The following FAM120A variants were observed in gnomAD, a reference collection of about 807,000 sequenced individuals.
FAM120A encodes the protein family with sequence similarity 120 member A, also known as constitutive coactivator of PPAR-gamma-like protein 1.
In FAM120A, 15 loss-of-function variants were observed where a neutral mutation model predicts 109.7. That is an observed-to-expected ratio of 0.14 (90% CI 0.09 to 0.21). FAM120A has a LOEUF of 0.21. FAM120A is among the 10% of genes least tolerant of loss of function. The pLI is 1.00. For synonymous variants in FAM120A, 493 were observed against 572.8 expected (o/e 0.86, Z 1.99); for missense variants, 899 against 1,439.3 (o/e 0.62, Z 6.07).
chr9:93,467,249 C>A lies in FAM120A; in HGVS notation c.475-3892C>A, dbSNP rs79986401. ...TTTCTTTGCCAGATCTGCTGTCACC[C>A]CCCCCCCCCTTTTCCCCCATTGAAT... is the stretch of plus-strand genomic sequence containing the variant. On this transcript the variant is annotated intron_variant, in intron 1 of 17. Coordinates refer to ENST00000277165, the MANE Select transcript of FAM120A (RefSeq NM_014612.5). Among the ~76,000 whole-genome samples the A allele has an allele frequency of 3.5e-4, 11 of 31,836 alleles. 1 individual carries two copies. The highest frequency in any genetic ancestry group is 4.1e-4 in the African/African-American group (8 of 19,478). The allele number at this position is 31,836 out of a possible 152,430, so 20.9% of individuals were successfully genotyped here. A position where few individuals can be genotyped will look rare whatever the true frequency, so the allele number is the denominator to read the frequency against.
chr9:93,522,310 TC>T (rs1860879637), intron 7 of FAM120A, among the ~76,000 whole-genome samples: 1 of 152,196 alleles, frequency 6.6e-6, no homozygotes, highest in South Asian at 2.1e-4. Context: ...TGATCCTACT[TC>T]TAGAGAGGTA....
At chr9:93,474,014 T>C (rs1858433069) in intron 2 of FAM120A, among the ~76,000 whole-genome samples, 1 of 152,236 alleles carries the variant, frequency 6.6e-6, no homozygotes, top group East Asian at 1.9e-4. Flanking sequence ...AAACATTGAA[T>C]ATGGTATTTG....
At chr9:93,560,109 A>G (rs928360311) in intron 15 of FAM120A, among the ~76,000 whole-genome samples, 32 of 152,270 alleles carry the variant, frequency 2.1e-4, no homozygotes, top group African/African-American at 7.2e-4. Flanking sequence ...CCTGGGCAAT[A>G]TAGTGAGACC....
chr9:93,458,550 C>T (rs1178954351), intron 1 of FAM120A, among the ~76,000 whole-genome samples: 3 of 152,116 alleles, frequency 2.0e-5, no homozygotes, highest in Non-Finnish European at 4.4e-5. Context: ...GTACCCCCAA[C>T]ATTTGAATTC....
intron 7 of FAM120A, among the ~76,000 whole-genome samples, chr9:93,522,977 TCTA>T (rs978735731): frequency 5.3e-5 from 8 of 152,188 alleles, no homozygotes; most frequent in Admixed American, 1.3e-4. Flanking sequence ...GGTTGGTATT[TCTA>T]GGTGATGTTG....
intron 7 of FAM120A, among the ~76,000 whole-genome samples, chr9:93,519,344 C>T (rs966578882): frequency 6.6e-6 from 1 of 152,050 alleles, no homozygotes; most frequent in South Asian, 2.1e-4. Flanking sequence ...CAGGTTCAAG[C>T]GATTCTCCTG....
At chr9:93,491,794 G>T (rs1262169671) in intron 3 of FAM120A, among the ~76,000 whole-genome samples, 1 of 148,476 alleles carries the variant, frequency 6.7e-6, no homozygotes, top group Non-Finnish European at 1.5e-5. Flanking sequence ...CTCTAGATAT[G>T]TCGCAATTTA....
intron 3 of FAM120A, among the ~76,000 whole-genome samples, chr9:93,488,980 A>G (rs1859193540): frequency 6.6e-6 from 1 of 150,822 alleles, no homozygotes; most frequent in Non-Finnish European, 1.5e-5. Flanking sequence ...CTTCATCTGT[A>G]GCAGTGATTT....
At chr9:93,467,530 G>T (rs963488019) in intron 1 of FAM120A, among the ~76,000 whole-genome samples, 1 of 151,526 alleles carries the variant, frequency 6.6e-6, no homozygotes, top group African/African-American at 2.4e-5. Flanking sequence ...CCCTCCCCCC[G>T]ACCCTCTTTA....
intron 3 of FAM120A, among the ~76,000 whole-genome samples, chr9:93,482,554 C>G (rs970466392): frequency 5.9e-5 from 9 of 151,954 alleles, no homozygotes; most frequent in Non-Finnish European, 7.4e-5. Context: ...TTGTCTTCAA[C>G]CAGAAGTCAT....
chr9:93,540,312 C>T (rs1861650078), intron 10 of FAM120A, among the ~76,000 whole-genome samples: 1 of 152,222 alleles, frequency 6.6e-6, no homozygotes, highest in Admixed American at 6.5e-5. Flanking sequence ...GAGATGAGCG[C>T]CTTTGCTTCT....
At chr9:93,523,507 G>T in intron 7 of FAM120A, 1 of 336,072 alleles carries the variant, frequency 3.0e-6, no homozygotes. Flanking sequence ...TCTCATAAAA[G>T]TGATTCTGAA....
At chr9:93,522,028 C>T (rs1428627592) in intron 7 of FAM120A, among the ~76,000 whole-genome samples, 3 of 151,974 alleles carry the variant, frequency 2.0e-5, no homozygotes, top group African/African-American at 7.3e-5. Flanking sequence ...TGCAATGAGC[C>T]GAGATTGTGC....
rs771846281 is a variant in FAM120A at position 93,452,086 on chromosome 9, C to G, written c.171C>G (p.Leu57=). ...ACGCCGACAACTGCCTGCACCGCCT[C>G]TACGGCGGCTTCTACACCGACTGGG... ...LVDADNCLHR[L]YGGFYTDWVS... Residue 57 remains leucine (L), a synonymous_variant, in exon 1 of 18, where the codon CTC becomes CTG. Coordinates refer to ENST00000277165, the MANE Select transcript of FAM120A (RefSeq NM_014612.5). This position sits in a 1 kb window ranked among gnomAD's most constrained non-coding sequence, Gnocchi z 7.0. 4 of 1,607,656 alleles carry G rather than the reference C, an allele frequency of 2.5e-6. No individual in the cohort carries two copies. The East Asian group carries it at 6.7e-5, about 27-fold the overall frequency.
intron 11 of FAM120A, 127 bp from the exon 12 acceptor site, chr9:93,550,450 A>G (rs1182951723): frequency 9.1e-6 from 6 of 658,724 alleles, no homozygotes; most frequent in South Asian, 1.8e-5. Flanking sequence ...GAAAAGCTGA[A>G]TAAGAAATCA....
At chr9:93,553,196 G>A (rs1326934459) in intron 12 of FAM120A, among the ~76,000 whole-genome samples, 1 of 152,130 alleles carries the variant, frequency 6.6e-6, no homozygotes, top group Non-Finnish European at 1.5e-5. Context: ...ATGTAATTAA[G>A]GTAAAATTAG....
At chr9:93,559,244 G>A (rs1862396137) in intron 15 of FAM120A, among the ~76,000 whole-genome samples, 1 of 152,224 alleles carries the variant, frequency 6.6e-6, no homozygotes, top group South Asian at 2.1e-4. Flanking sequence ...GCTTGCAAAA[G>A]AGAAAAGGGT....
intron 13 of FAM120A, 150 bp from the exon 14 acceptor site, chr9:93,557,677 G>C: frequency 1.3e-6 from 1 of 788,466 alleles, no homozygotes; most frequent in South Asian, 1.9e-5. Context: ...ACAAATAAAC[G>C]TTAGCAAGTA....
Position 93,451,892 on chromosome 9 carries a change from C to G in FAM120A, c.-24C>G. On this transcript the variant is annotated 5_prime_UTR_variant, in exon 1 of 18. Transcript: ENST00000277165. ...GGCCCCGCCGCCCCCCGCCCGCACC[C>G]GCGCCCGCGCCCCCGCCGCCGCCAT... 2 of 1,248,054 alleles carry G rather than the reference C, an allele frequency of 1.6e-6. No homozygotes were observed. Among genetic ancestry groups the G allele is most frequent in the Non-Finnish European group, 2.0e-6 (2 of 999,726 alleles). 77.3% of individuals were successfully genotyped at this position (1,248,054 alleles called of 1,614,324 possible).
Sources: allele counts gnomAD v4.1 joint callset (sites outside exome capture counted in the v4.1 genomes callset), GRCh38; gene constraint gnomAD v4.1.1; non-coding constraint Gnocchi (gnomAD v3.1); transcripts MANE v1.5; gene names NCBI Gene and HGNC (gene_info 2026-07-23, HGNC 2026-07-21).